The following GRIK2 variants were observed in gnomAD, a reference collection of about 807,000 sequenced individuals.
GRIK2 encodes the protein glutamate receptor ionotropic, kainate 2.
In GRIK2, 32 loss-of-function variants were observed where a neutral mutation model predicts 100.3. The observed-to-expected ratio is 0.32, with a 90% CI of 0.24 to 0.43. The LOEUF is 0.43. GRIK2 is among the 20% of genes least tolerant of loss of function. The pLI is 1.00. For synonymous variants in GRIK2, 417 were observed against 389.4 expected (o/e 1.07, Z -0.83); for missense variants, 843 against 1,114.9 (o/e 0.76, Z 3.47).
At chr6:102,046,855 A>G (rs1770915075) in intron 15 of GRIK2, among the ~76,000 whole-genome samples, 1 of 152,182 alleles carries the variant, frequency 6.6e-6, no homozygotes, top group Non-Finnish European at 1.5e-5. Context: ...GAAATTATGT[A>G]TAGTATTGTT....
rs1482789424 is a variant in GRIK2 at position 101,746,628 on chromosome 6, A to C, written c.952-53020A>C. Among the ~76,000 whole-genome samples, 5 of 152,134 alleles carry C rather than the reference A, an allele frequency of 3.3e-5. No homozygotes were observed. The South Asian group carries it at 1.0e-3, about 32-fold the overall frequency. On this transcript the variant is annotated intron_variant, in intron 7 of 16. Transcript: ENST00000369134. ...AGGAGTTAGCCACTGCGCCTGGCCTACCTTCAAATTTTTGTCTCAGTGGAT... is the reference window on the plus strand; with the variant it reads ...AGGAGTTAGCCACTGCGCCTGGCCTCCCTTCAAATTTTTGTCTCAGTGGAT...
At chr6:101,803,949 T>C (rs1474791175) in intron 9 of GRIK2, among the ~76,000 whole-genome samples, 1 of 151,928 alleles carries the variant, frequency 6.6e-6, no homozygotes, top group Non-Finnish European at 1.5e-5. Context: ...ATAAATATTT[T>C]ATATTATTTT....
At chr6:101,899,492 A>C (rs547859132) in intron 12 of GRIK2, among the ~76,000 whole-genome samples, 1 of 152,184 alleles carries the variant, frequency 6.6e-6, no homozygotes, top group African/African-American at 2.4e-5. Flanking sequence ...TGATTGAAAC[A>C]GACTTTCAGT....
chr6:101,744,326 G>C (rs1776243648), intron 7 of GRIK2, among the ~76,000 whole-genome samples: 2 of 151,444 alleles, frequency 1.3e-5, no homozygotes, highest in African/African-American at 4.9e-5. Context: ...TTATGCCTTT[G>C]GCTCTTCATA....
chr6:101,959,774 T>G (rs1435259000), intron 14 of GRIK2, among the ~76,000 whole-genome samples: 2 of 152,136 alleles, frequency 1.3e-5, no homozygotes, highest in African/African-American at 4.8e-5. Flanking sequence ...CACTTCTCTC[T>G]TGCTGCTTTT....
intron 6 of GRIK2, among the ~76,000 whole-genome samples, chr6:101,685,542 A>T (rs1043484039): frequency 2.6e-5 from 4 of 152,188 alleles, no homozygotes; most frequent in Non-Finnish European, 4.4e-5. Flanking sequence ...TAAAGGGCAG[A>T]GCAAGAAAGT....
intron 10 of GRIK2, among the ~76,000 whole-genome samples, chr6:101,837,802 T>C (rs1783231383): frequency 6.6e-6 from 1 of 152,154 alleles, no homozygotes; most frequent in African/African-American, 2.4e-5. Context: ...GGACTTTTGT[T>C]GGGGAGAAGA....
intron 7 of GRIK2, among the ~76,000 whole-genome samples, chr6:101,727,636 A>G (rs1241509378): frequency 6.6e-6 from 1 of 151,960 alleles, no homozygotes; most frequent in Non-Finnish European, 1.5e-5. Context: ...AGAAAAATGG[A>G]GTTATTTGAA....
chr6:101,536,381 T>A (rs975732699), intron 2 of GRIK2, among the ~76,000 whole-genome samples: 3 of 151,538 alleles, frequency 2.0e-5, no homozygotes, highest in African/African-American at 7.3e-5. Flanking sequence ...TCACCCTATA[T>A]GTTAGGTTTT....
chr6:102,019,994 A>G (rs1197652381), intron 14 of GRIK2, among the ~76,000 whole-genome samples: 1 of 152,062 alleles, frequency 6.6e-6, no homozygotes, highest in African/African-American at 2.4e-5. Context: ...GCATTTTTAA[A>G]AATATTGTTT....
At chr6:101,758,049 T>C (rs1379925249) in intron 7 of GRIK2, among the ~76,000 whole-genome samples, 1 of 152,074 alleles carries the variant, frequency 6.6e-6, no homozygotes, top group Non-Finnish European at 1.5e-5. Context: ...GACAACATGG[T>C]GAAATCCCAA....
In GRIK2 at chr6:101,770,754, C is replaced by T. The variant is rs528358872; in HGVS notation, c.952-28894C>T. ...GCTTCAGTACACATTCTGATTATTC[C>T]TGAACCTGCATAGTCACAATAGGAA... is the stretch of plus-strand genomic sequence containing the variant. On this transcript the variant is annotated intron_variant, in intron 7 of 16. Coordinates refer to ENST00000369134, the MANE Select transcript of GRIK2 (RefSeq NM_021956.5). Among the ~76,000 whole-genome samples the T allele has an allele frequency of 2.6e-5, 4 of 152,208 alleles. No individual in the cohort carries two copies. In the South Asian group the frequency reaches 8.3e-4, roughly 32 times the overall value.
chr6:101,767,221 A>G (rs1038091369), intron 7 of GRIK2, among the ~76,000 whole-genome samples: 3 of 152,190 alleles, frequency 2.0e-5, no homozygotes, highest in Non-Finnish European at 2.9e-5. Flanking sequence ...TTACATATCA[A>G]TCATGAGTAA....
chr6:101,983,229 A>G (rs372655506), intron 14 of GRIK2, among the ~76,000 whole-genome samples: 5 of 151,724 alleles, frequency 3.3e-5, no homozygotes, highest in African/African-American at 9.7e-5. Flanking sequence ...CCTACTCCCA[A>G]ATTCCCTACA....
intron 14 of GRIK2, among the ~76,000 whole-genome samples, chr6:101,972,623 A>G (rs2128486311): frequency 6.7e-6 from 1 of 148,730 alleles, no homozygotes; most frequent in African/African-American, 2.5e-5. Flanking sequence ...GACTTGGCCA[A>G]AATTATTTGC....
intron 2 of GRIK2, among the ~76,000 whole-genome samples, chr6:101,520,630 C>A (rs1180841005): frequency 6.6e-6 from 1 of 151,952 alleles, no homozygotes; most frequent in Non-Finnish European, 1.5e-5. Context: ...TATCTGGTAT[C>A]CAGTTTCATT....
chr6:101,511,508 A>G (rs1013312663), intron 2 of GRIK2, among the ~76,000 whole-genome samples: 1 of 152,026 alleles, frequency 6.6e-6, no homozygotes, highest in Non-Finnish European at 1.5e-5. Flanking sequence ...ATCTCATATA[A>G]CTCAATATAT....
At chr6:101,512,990 T>G (rs1164143216) in intron 2 of GRIK2, among the ~76,000 whole-genome samples, 1 of 152,006 alleles carries the variant, frequency 6.6e-6, no homozygotes, top group Non-Finnish European at 1.5e-5. Context: ...TGTTACAGTC[T>G]TTCCATTAAA....
rs367634710 is a variant in GRIK2, at chr6:101,435,386, A to AT, written c.115+36011dup. On this transcript the variant is annotated intron_variant, in intron 2 of 16. Coordinates refer to ENST00000369134, the MANE Select transcript of GRIK2 (RefSeq NM_021956.5). The stretch of plus-strand genomic sequence containing the variant: ...AACTACATTGTGAAGGCACACGGTG[A>AT]TTTTTTTTTTTTTTTTTGGCAATAA... Among the ~76,000 whole-genome samples the AT allele has an allele frequency of 6.6e-3, 926 of 140,906 alleles. 4 individuals carry two copies. Among genetic ancestry groups the AT allele is most frequent in the East Asian group, 0.013 (61 of 4,816 alleles). 92.4% of individuals were successfully genotyped at this position (140,906 alleles called of 152,430 possible).
Sources: gnomAD v4.1 joint callset for allele counts (sites outside exome capture counted in the v4.1 genomes callset) on GRCh38, gnomAD v4.1.1 for gene constraint, MANE v1.5 for transcripts, NCBI Gene and HGNC (gene_info 2026-07-23, HGNC 2026-07-21) for gene names.